PCNX1: variants seen among roughly 807,000 people sequenced by gnomAD.
The protein encoded by PCNX1 is pecanex-like protein 1.
PCNX1 carries 78 observed loss-of-function variants against 242.2 expected under a neutral mutation model. That is an observed-to-expected ratio of 0.32 (90% CI 0.27 to 0.39). The LOEUF is 0.39. PCNX1 is among the 10% of genes least tolerant of loss of function. The pLI, the probability that PCNX1 is intolerant of heterozygous loss-of-function variation, is 1.00. For synonymous variants in PCNX1, 1,024 were observed against 1,032.9 expected (o/e 0.99, Z 0.17); for missense variants, 2,581 against 2,856.5 (o/e 0.90, Z 2.20).
intron 3 of PCNX1, among the ~76,000 whole-genome samples, chr14:70,963,082 A>C (rs1413233165): frequency 6.6e-6 from 1 of 152,214 alleles, no homozygotes; most frequent in East Asian, 1.9e-4. Flanking sequence ...GGTCTGGACT[A>C]GACCGCACTT....
At chr14:71,041,201 A>T (rs926059184) in intron 19 of PCNX1, among the ~76,000 whole-genome samples, 5 of 152,146 alleles carry the variant, frequency 3.3e-5, no homozygotes, top group Non-Finnish European at 7.4e-5. Context: ...CAGCATTGGG[A>T]TTGCTGGATA....
chr14:70,981,865 G>A lies in PCNX1; in HGVS notation c.2311+3217G>A, dbSNP rs964188610. ...AGCATATTTTCTGTGTCACTTAATG[G>A]ATTACAAAGAATAGCCCGAGTGGAG... On this transcript the variant is annotated intron_variant, in intron 6 of 35. Coordinates refer to ENST00000304743, the MANE Select transcript of PCNX1 (RefSeq NM_014982.3). Among the ~76,000 whole-genome samples the A allele has an allele frequency of 1.1e-4, 17 of 152,226 alleles. 1 individual carries two copies. In the East Asian group the frequency reaches 3.3e-3, roughly 29 times the overall value.
At chr14:71,052,607 A>G (rs1044522512) in intron 24 of PCNX1, among the ~76,000 whole-genome samples, 1 of 152,174 alleles carries the variant, frequency 6.6e-6, no homozygotes, top group Non-Finnish European at 1.5e-5. Flanking sequence ...ATTATTTCAC[A>G]TTAATAATAC....
intron 26 of PCNX1, among the ~76,000 whole-genome samples, chr14:71,070,300 C>T (rs952122091): frequency 2.0e-5 from 3 of 152,162 alleles, no homozygotes; most frequent in Non-Finnish European, 4.4e-5. Context: ...TTTCAAATTC[C>T]TATTAGTGTT....
intron 1 of PCNX1, among the ~76,000 whole-genome samples, chr14:70,941,623 C>T (rs2057248612): frequency 6.6e-6 from 1 of 152,232 alleles, no homozygotes; most frequent in South Asian, 2.1e-4. Context: ...AGATCTCAAA[C>T]TCTGTGCTGG....
intron 27 of PCNX1, among the ~76,000 whole-genome samples, chr14:71,074,052 C>T (rs2061651152): frequency 6.6e-6 from 1 of 152,126 alleles, no homozygotes; most frequent in African/African-American, 2.4e-5. Flanking sequence ...TGTGTTTTAG[C>T]TTGTGCTAAG....
chr14:71,033,942 A>C lies in PCNX1; in HGVS notation c.3680A>C (p.Gln1227Pro), dbSNP rs750568163. The change falls in exon 18 of 36, where the codon CAA (glutamine) becomes CCA (proline). Residue 1227 changes from glutamine (Q) to proline (P), a missense_variant. This residue lies in a region of PCNX1 where 432 missense variants were observed against 443.1 expected (regional missense o/e 0.97). Coordinates refer to ENST00000304743, the MANE Select transcript of PCNX1 (RefSeq NM_014982.3). ...TTCTTCACATAAAGCTCTTTAGTGC[A>C]ATCCAAGATTTTTCCAAAAACGGAA... Reference protein sequence around the residue: ...SDPSVLFSLVQSKIFPKTEEK... With the variant: ...SDPSVLFSLVPSKIFPKTEEK... 3.2e-6 allele frequency: 5 copies of C among 1,586,382 alleles called. No individual in the cohort carries two copies. In the Admixed American group the frequency reaches 8.6e-5, roughly 27 times the overall value.
chr14:71,092,512 A>G (rs1595487302), intron 30 of PCNX1: 1 of 152,378 alleles, frequency 6.6e-6, no homozygotes, highest in African/African-American at 2.4e-5. Flanking sequence ...AGCTTCTGCC[A>G]ACCAAAAGGC....
intron 11 of PCNX1, among the ~76,000 whole-genome samples, chr14:71,014,213 G>A (rs894680342): frequency 3.3e-5 from 5 of 152,168 alleles, no homozygotes; most frequent in African/African-American, 1.2e-4. Flanking sequence ...CCTAGCAGGA[G>A]CACTACTTCA....
chr14:70,949,530 G>T lies in PCNX1; in HGVS notation c.362+2407G>T, dbSNP rs138170802. ...ATATTTTACTTGACATTTATAAGTA[G>T]TATACTTTACTTAACCTATTGTAAA... On this transcript the variant is annotated intron_variant, in intron 2 of 35. Coordinates refer to ENST00000304743, the MANE Select transcript of PCNX1 (RefSeq NM_014982.3). Among the ~76,000 whole-genome samples, 14 of 151,946 alleles carry T rather than the reference G, an allele frequency of 9.2e-5. No individual in the cohort carries two copies. The East Asian group carries it at 2.7e-3, about 29-fold the overall frequency.
intron 18 of PCNX1, 32 bp from the exon 19 acceptor site, chr14:71,036,033 A>AATTGTTT: frequency 7.3e-7 from 1 of 1,367,252 alleles, no homozygotes; most frequent in Non-Finnish European, 1.0e-6. Flanking sequence ...AATTTTATGT[A>AATTGTTT]ATTGTTTAAT....
chr14:70,985,684 A>ATG (rs2058980629), intron 6 of PCNX1, among the ~76,000 whole-genome samples: 1 of 152,186 alleles, frequency 6.6e-6, no homozygotes. Flanking sequence ...CGGTTTTTGA[A>ATG]TTGCTTGCAT....
In PCNX1 at chr14:70,947,324, A is replaced by G. The variant is rs138617298; in HGVS notation, c.362+201A>G. 5.7e-3 allele frequency among the ~76,000 whole-genome samples: 866 copies of G among 152,310 alleles called. 5 individuals carry two copies. Among genetic ancestry groups the G allele is most frequent in the Non-Finnish European group, 9.4e-3 (638 of 68,028 alleles). On this transcript the variant is annotated intron_variant, in intron 2 of 35. Transcript: ENST00000304743. Reference sequence around the variant, plus strand: ...ACTGGTGTGTTTGGGGGATTAAATCAATATTCTTGGCCTCATTACTAGACA... The same window carrying G: ...ACTGGTGTGTTTGGGGGATTAAATCGATATTCTTGGCCTCATTACTAGACA...
At chr14:71,071,130 G>A (rs2061576321) in intron 26 of PCNX1, among the ~76,000 whole-genome samples, 1 of 152,036 alleles carries the variant, frequency 6.6e-6, no homozygotes, top group African/African-American at 2.4e-5. Flanking sequence ...TTGCTTCTCA[G>A]CCTTCAAAGA....
intron 2 of PCNX1, among the ~76,000 whole-genome samples, chr14:70,960,836 T>C (rs1416817192): frequency 2.0e-5 from 3 of 152,174 alleles, no homozygotes; most frequent in Middle Eastern, 3.4e-3. Flanking sequence ...ACAAAATCAA[T>C]GTACAAAAAT....
chr14:70,944,683 G>C (rs141398016), intron 1 of PCNX1, among the ~76,000 whole-genome samples: 22 of 152,242 alleles, frequency 1.4e-4, no homozygotes, highest in African/African-American at 5.3e-4. Context: ...GTGAAATGAT[G>C]GCTTGGCTCT....
intron 30 of PCNX1, among the ~76,000 whole-genome samples, chr14:71,096,715 A>C (rs2062293716): frequency 6.6e-6 from 1 of 152,176 alleles, no homozygotes; most frequent in Admixed American, 6.5e-5. Context: ...ACTGCTTATC[A>C]GTATATTATG....
intron 5 of PCNX1, among the ~76,000 whole-genome samples, chr14:70,970,478 C>G (rs936806328): frequency 2.6e-5 from 4 of 152,140 alleles, no homozygotes; most frequent in Admixed American, 2.6e-4. Flanking sequence ...AGATAATAAT[C>G]TCAGAGGGGT....
At chr14:70,940,003 T>C (rs960873795) in intron 1 of PCNX1, among the ~76,000 whole-genome samples, 2 of 152,188 alleles carry the variant, frequency 1.3e-5, no homozygotes, top group Non-Finnish European at 2.9e-5. Flanking sequence ...CATCCCTTTA[T>C]TTTGAGCCTA....
Sources: allele counts gnomAD v4.1 joint callset (sites outside exome capture counted in the v4.1 genomes callset), GRCh38; gene constraint gnomAD v4.1.1; regional missense constraint gnomAD v4.1.1; transcripts MANE v1.5; gene names NCBI Gene and HGNC (gene_info 2026-07-23, HGNC 2026-07-21).